ATP9B: variants seen among roughly 807,000 people sequenced by gnomAD.
ATP9B encodes probable phospholipid-transporting ATPase IIB.
Under a neutral mutation model 146.1 loss-of-function variants are expected in ATP9B, and 110 were observed. The observed-to-expected ratio is 0.75, with a 90% CI of 0.65 to 0.88. The LOEUF (loss-of-function observed/expected upper bound fraction) is 0.88, where lower values mean the gene tolerates loss of function less well. Ranked by LOEUF, ATP9B falls within the 40% of genes least tolerant of loss-of-function variation. The pLI, the probability that ATP9B is intolerant of heterozygous loss-of-function variation, is 0.00. For missense variants in ATP9B, 1,499 were observed against 1,496.4 expected (o/e 1.00, Z -0.03); for synonymous variants, 604 against 569.7 (o/e 1.06, Z -0.86).
intron 1 of ATP9B, among the ~76,000 whole-genome samples, chr18:79,072,358 C>T (rs569137237): frequency 4.2e-4 from 64 of 152,218 alleles, no homozygotes; most frequent in African/African-American, 1.4e-3. Flanking sequence ...TGACTCTTAA[C>T]GAGCATGCTG....
In ATP9B at chr18:79,345,796, G is replaced by A; in HGVS notation, c.2639G>A (p.Ser880Asn). Residue 880 changes from serine (S) to asparagine (N), a missense_variant, in exon 23 of 30, where the codon AGC becomes AAC. Ser to Asn is a conservative substitution (Grantham distance 46). Transcript: ENST00000426216. ...CAIGDGGNDV[S>N]MIQAADCGIG... ...GCAGGTGATGGAGGAAATGATGTCA[G>A]CATGATTCAGGCAGCAGACTGTGGG... The A allele has an allele frequency of 6.2e-7, 1 of 1,614,256 alleles. No individual in the cohort carries two copies. Among genetic ancestry groups the A allele is most frequent in the Non-Finnish European group, 8.5e-7 (1 of 1,180,046 alleles).
At chr18:79,149,589 T>A (rs1266328835) in intron 6 of ATP9B, among the ~76,000 whole-genome samples, 1 of 151,978 alleles carries the variant, frequency 6.6e-6, no homozygotes, top group African/African-American at 2.4e-5. Context: ...AAATTAAAAA[T>A]GTGTGCCTTG....
chr18:79,293,282 A>G lies in ATP9B; in HGVS notation c.1412-10322A>G, dbSNP rs563387232. Among the ~76,000 whole-genome samples the G allele has an allele frequency of 4.6e-5, 7 of 152,254 alleles. 1 individual carries two copies. Among genetic ancestry groups the G allele is most frequent in the African/African-American group, 1.7e-4 (7 of 41,562 alleles). ...TTTGAGAAAGTATTCTAAATTTGTT[A>G]TACAGTTTGAATGTTTGCCCCCTCA... is the stretch of plus-strand genomic sequence containing the variant. On this transcript the variant is annotated intron_variant, in intron 13 of 29. Coordinates refer to ENST00000426216, the MANE Select transcript of ATP9B (RefSeq NM_198531.5).
At chr18:79,208,102 G>C (rs986593911) in intron 10 of ATP9B, among the ~76,000 whole-genome samples, 1 of 152,026 alleles carries the variant, frequency 6.6e-6, no homozygotes, top group African/African-American at 2.4e-5. Context: ...AAAATTAGCC[G>C]GGCGTGGTGG....
intron 25 of ATP9B, chr18:79,353,819 T>C (rs1335709037): frequency 6.6e-6 from 1 of 152,216 alleles, no homozygotes; most frequent in Non-Finnish European, 1.5e-5. Context: ...GGGGTTTTTG[T>C]TGTTAAAGGT....
chr18:79,136,115 T>A (rs530728951), intron 5 of ATP9B, among the ~76,000 whole-genome samples: 1 of 152,324 alleles, frequency 6.6e-6, no homozygotes, highest in East Asian at 1.9e-4. Context: ...CAACTAATAC[T>A]AGTGTATTAA....
Position 79,091,015 on chromosome 18 carries a change from C to G in ATP9B, c.120-5461C>G, listed in dbSNP as rs149321314. ...TTCTGCATATGGATATCCAGTTTTCCCAGCACCATTTATTGAAAAGACTGT... is the reference window on the plus strand; with the variant it reads ...TTCTGCATATGGATATCCAGTTTTCGCAGCACCATTTATTGAAAAGACTGT... On this transcript the variant is annotated intron_variant, in intron 1 of 29. Coordinates refer to ENST00000426216, the MANE Select transcript of ATP9B (RefSeq NM_198531.5). Among the ~76,000 whole-genome samples the G allele has an allele frequency of 4.9e-3, 744 of 152,170 alleles. 5 individuals are homozygous for G. The highest frequency in any genetic ancestry group is 0.025 in the South Asian group (119 of 4,828).
At chr18:79,218,131 C>T (rs2095644960) in intron 11 of ATP9B, among the ~76,000 whole-genome samples, 1 of 152,170 alleles carries the variant, frequency 6.6e-6, no homozygotes, top group Non-Finnish European at 1.5e-5. Flanking sequence ...CCAGGTCCGG[C>T]CAGGCTGGCA....
chr18:79,351,209 G>T (rs2096920568), intron 25 of ATP9B, among the ~76,000 whole-genome samples: 1 of 152,204 alleles, frequency 6.6e-6, no homozygotes, highest in African/African-American at 2.4e-5. Flanking sequence ...TCATGGATTT[G>T]AAACATGAAA....
intron 8 of ATP9B, among the ~76,000 whole-genome samples, chr18:79,189,218 G>A (rs1026823610): frequency 2.6e-5 from 4 of 152,002 alleles, no homozygotes; most frequent in Non-Finnish European, 4.4e-5. Flanking sequence ...GTGGTGGTGT[G>A]CACCTGTAAT....
chr18:79,315,236 T>C (rs2096672904), intron 15 of ATP9B, among the ~76,000 whole-genome samples: 1 of 152,242 alleles, frequency 6.6e-6, no homozygotes, highest in Admixed American at 6.5e-5. Context: ...TGAGGCGTGC[T>C]GTATTTTTTA....
intron 26 of ATP9B, chr18:79,362,975 AT>A (rs1331401068): frequency 2.0e-5 from 3 of 152,232 alleles, no homozygotes; most frequent in Non-Finnish European, 4.4e-5. Flanking sequence ...GTATACTTAT[AT>A]TCTTTTCAAA....
At chr18:79,341,588 T>C (rs111550622) in intron 19 of ATP9B, among the ~76,000 whole-genome samples, 28 of 136,972 alleles carry the variant, frequency 2.0e-4, no homozygotes, top group South Asian at 1.8e-3. Flanking sequence ...TTGAAGCCTG[T>C]GTTGCCGACA....
At chr18:79,347,441 A>C (rs369627795) in intron 23 of ATP9B, among the ~76,000 whole-genome samples, 1 of 151,918 alleles carries the variant, frequency 6.6e-6, no homozygotes, top group African/African-American at 2.4e-5. Flanking sequence ...GTCTTCCGAC[A>C]GGGCGGGCCC....
In ATP9B at chr18:79,204,081, G is replaced by GT. The variant is rs2095513361; in HGVS notation, c.955-2851dup. 1.3e-5 allele frequency among the ~76,000 whole-genome samples: 2 copies of GT among 152,156 alleles called. 1 individual carries two copies. The highest frequency in any genetic ancestry group is 4.1e-4 in the South Asian group (2 of 4,834). On this transcript the variant is annotated intron_variant, in intron 9 of 29. Transcript: ENST00000426216. ...TCATAAAAGTCATAGGGATAACTCA[G>GT]TTTTTCTGGATTGTTTATCTTAGCA...
chr18:79,186,991 G>T (rs910026795), intron 8 of ATP9B, among the ~76,000 whole-genome samples: 1 of 152,166 alleles, frequency 6.6e-6, no homozygotes, highest in Non-Finnish European at 1.5e-5. Context: ...TCCTGCTCCC[G>T]CTCTCCAGCT....
At chr18:79,171,631 T>A (rs1183910808) in intron 7 of ATP9B, among the ~76,000 whole-genome samples, 1 of 151,920 alleles carries the variant, frequency 6.6e-6, no homozygotes, top group Non-Finnish European at 1.5e-5. Context: ...ACTGGTACAG[T>A]GTGTGCGCGT....
At chr18:79,126,433 G>A in intron 5 of ATP9B, 58 bp downstream of exon 5, 1 of 1,169,768 alleles carries the variant, frequency 8.5e-7, no homozygotes, top group South Asian at 1.5e-5. Flanking sequence ...TCATTTTAGA[G>A]TTAACATAAC....
intron 15 of ATP9B, among the ~76,000 whole-genome samples, chr18:79,317,499 C>T (rs966663606): frequency 1.3e-5 from 2 of 152,064 alleles, no homozygotes; most frequent in African/African-American, 4.8e-5. Flanking sequence ...ATTTGAACAG[C>T]TACATCACCA....
Sources: allele counts gnomAD v4.1 joint callset (sites outside exome capture counted in the v4.1 genomes callset), GRCh38; gene constraint gnomAD v4.1.1; transcripts MANE v1.5; gene names NCBI Gene and HGNC (gene_info 2026-07-23, HGNC 2026-07-21).